HDAC8: variants seen among roughly 807,000 people sequenced by gnomAD.
The protein encoded by HDAC8 is histone deacetylase-like 1.
A neutral mutation model predicts 32.2 loss-of-function variants in HDAC8; 1 was observed. That is an observed-to-expected ratio of 0.03 (90% CI 0.01 to 0.15). The LOEUF is 0.15. Ranked by LOEUF, HDAC8 falls within the 10% of genes least tolerant of loss-of-function variation. HDAC8 has a pLI of 1.00. For missense variants in HDAC8, 117 were observed against 300.0 expected, an observed-to-expected ratio of 0.39 and a Z score of 4.51; for synonymous variants, 108 against 113.9, an observed-to-expected ratio of 0.95 and a Z score of 0.33.
chrX:72,385,049 A>G (rs782534577), intron 9 of HDAC8, among the ~76,000 whole-genome samples: 24 of 111,510 alleles, frequency 2.2e-4, no homozygotes, highest in Non-Finnish European at 3.8e-4. Flanking sequence ...CCTGCTCACC[A>G]GAAAGAAAAT....
chrX:72,480,875 G>A (rs183378399), intron 7 of HDAC8, among the ~76,000 whole-genome samples: 40 of 110,094 alleles, frequency 3.6e-4, no homozygotes, highest in Non-Finnish European at 7.6e-5. Flanking sequence ...GACACAGGGA[G>A]GGGAAACTCA....
intron 4 of HDAC8, among the ~76,000 whole-genome samples, chrX:72,567,313 CT>C (rs1313410696): frequency 8.9e-6 from 1 of 111,775 alleles, no homozygotes; most frequent in African/African-American, 3.3e-5. Flanking sequence ...ATTCTTCAGC[CT>C]TTTGTTTTAA....
chrX:72,366,350 A>C (rs1367794358), intron 9 of HDAC8, among the ~76,000 whole-genome samples: 1 of 111,918 alleles, frequency 8.9e-6, no homozygotes. Flanking sequence ...TACGGCCCCT[A>C]AACTGTAGCC....
intron 4 of HDAC8, among the ~76,000 whole-genome samples, chrX:72,506,144 A>G (rs2049384282): frequency 8.9e-6 from 1 of 112,030 alleles, no homozygotes; most frequent in Non-Finnish European, 1.9e-5. Flanking sequence ...CCGACCATGC[A>G]TGACTAGAAT....
At chrX:72,403,796 C>T (rs1368543178) in intron 9 of HDAC8, among the ~76,000 whole-genome samples, 7 of 111,101 alleles carry the variant, frequency 6.3e-5, no homozygotes, top group Admixed American at 3.8e-4. Context: ...CACTGCACTC[C>T]GGCCTGGGCG....
rs782477277 is a variant in HDAC8, at chrX:72,556,191, C to CA, written c.437+11697dup. On this transcript the variant is annotated intron_variant, in intron 4 of 10. Coordinates refer to ENST00000373573, the MANE Select transcript of HDAC8 (RefSeq NM_018486.3). Reference sequence around the variant, plus strand: ...AAGGAAAGATATGGTCTTTTCCAGGCAAAAAAAATGCTGAGAGAATTTGCC... The same window carrying CA: ...AAGGAAAGATATGGTCTTTTCCAGGCAAAAAAAAATGCTGAGAGAATTTGCC... Among the ~76,000 whole-genome samples the CA allele has an allele frequency of 1.1e-3, 122 of 110,439 alleles. 1 individual carries two copies. The Admixed American group carries it at 0.011, about 10-fold the overall frequency.
intron 7 of HDAC8, among the ~76,000 whole-genome samples, chrX:72,477,616 G>A (rs142577567): frequency 1.5e-4 from 17 of 112,235 alleles, no homozygotes; most frequent in Non-Finnish European, 9.4e-5. Context: ...CTGCAATGCC[G>A]TCATACAATG....
At chrX:72,374,771 T>C (rs2045005669) in intron 9 of HDAC8, among the ~76,000 whole-genome samples, 1 of 111,494 alleles carries the variant, frequency 9.0e-6, no homozygotes, top group South Asian at 3.7e-4. Flanking sequence ...AGTTGTCTTT[T>C]ACTTTCTTTT....
intron 10 of HDAC8, among the ~76,000 whole-genome samples, chrX:72,333,690 CAAAAA>C (rs34269328): frequency 4.4e-5 from 3 of 67,957 alleles, no homozygotes; most frequent in Admixed American, 1.8e-4. Context: ...GACACCATTT[CAAAAA>C]AAAAAAAAAA....
At chrX:72,443,041 C>T (rs1358387028) in intron 9 of HDAC8, among the ~76,000 whole-genome samples, 2 of 107,395 alleles carry the variant, frequency 1.9e-5, no homozygotes, top group South Asian at 8.5e-4. Context: ...TAAAGCAAGT[C>T]CTGAGTGACC....
intron 4 of HDAC8, among the ~76,000 whole-genome samples, chrX:72,523,705 A>T (rs982137082): frequency 1.8e-5 from 2 of 112,186 alleles, no homozygotes; most frequent in Non-Finnish European, 3.8e-5. Context: ...GATATTAACG[A>T]TTATCAAACC....
chrX:72,348,767 A>T (rs1046297883), intron 10 of HDAC8, among the ~76,000 whole-genome samples: 2 of 111,239 alleles, frequency 1.8e-5, no homozygotes, highest in Non-Finnish European at 3.8e-5. Context: ...CTCTGCCTCA[A>T]TTCTTTCCTA....
intron 9 of HDAC8, among the ~76,000 whole-genome samples, chrX:72,399,717 T>C (rs1555966772): frequency 8.9e-6 from 1 of 112,309 alleles, no homozygotes; most frequent in Non-Finnish European, 1.9e-5. Flanking sequence ...ATGAAGACAC[T>C]GTGCCTGGCC....
intron 9 of HDAC8, among the ~76,000 whole-genome samples, chrX:72,423,108 T>C (rs1268516188): frequency 8.9e-6 from 1 of 111,967 alleles, no homozygotes; most frequent in Non-Finnish European, 1.9e-5. Flanking sequence ...TAAAAAGGAA[T>C]CTTTTTAATT....
rs1237979062 is a variant in HDAC8, at chrX:72,329,536, TA to T, written c.*517del. 4.7e-6 allele frequency: 3 copies of T among 632,145 alleles called. No individual in the cohort carries two copies. The Admixed American group carries it at 1.2e-4, about 26-fold the overall frequency. The allele number at this position is 632,145 out of a possible 1,213,427, so 52.1% of individuals were successfully genotyped here. On this transcript the variant is annotated 3_prime_UTR_variant, in exon 11 of 11. Transcript: ENST00000373573. Reference sequence around the variant, plus strand: ...AGAGGTAGGTTTTCAAAGATTTTATTAAAAAAACCAAAGATATATAACACTA... The same window carrying T: ...AGAGGTAGGTTTTCAAAGATTTTATTAAAAAACCAAAGATATATAACACTA...
At chrX:72,470,083 G>T (rs1398108645) in intron 7 of HDAC8, among the ~76,000 whole-genome samples, 6 of 110,116 alleles carry the variant, frequency 5.4e-5, no homozygotes, top group African/African-American at 2.0e-4. Flanking sequence ...GGGAGGCGGA[G>T]GTTGCAGTGA....
chrX:72,570,606 CAAAA>C (rs200815195), intron 2 of HDAC8, among the ~76,000 whole-genome samples: 1 of 48,160 alleles, frequency 2.1e-5, no homozygotes, highest in Non-Finnish European at 4.6e-5. Context: ...AAGACTCCAT[CAAAA>C]AAAAAAAAAA....
chrX:72,497,415 A>G (rs2049062534), intron 4 of HDAC8, among the ~76,000 whole-genome samples: 1 of 111,847 alleles, frequency 8.9e-6, no homozygotes, highest in Admixed American at 9.5e-5. Flanking sequence ...TCAATATGCT[A>G]AAAAAAGTAT....
rs367935434 is a variant in HDAC8, at chrX:72,441,627, C to G, written c.1005+20377G>C. On this transcript the variant is annotated intron_variant, in intron 9 of 10. Coordinates refer to ENST00000373573, the MANE Select transcript of HDAC8 (RefSeq NM_018486.3). ...ACTGGAAACTCTAAAAAGCAGAGTGCCTCTCCTCCTCCAAAGGAACACAGT... is the reference window on the plus strand; with the variant it reads ...ACTGGAAACTCTAAAAAGCAGAGTGGCTCTCCTCCTCCAAAGGAACACAGT... Among the ~76,000 whole-genome samples, 4 of 111,984 alleles carry G rather than the reference C, an allele frequency of 3.6e-5. No individual in the cohort carries two copies. The East Asian group carries it at 1.1e-3, about 31-fold the overall frequency.
Sources: allele counts gnomAD v4.1 joint callset (sites outside exome capture counted in the v4.1 genomes callset), GRCh38; gene constraint gnomAD v4.1.1; transcripts MANE v1.5; gene names NCBI Gene and HGNC (gene_info 2026-07-23, HGNC 2026-07-21).